The following PIK3C2G variants were observed in gnomAD, a reference collection of about 807,000 sequenced individuals.
The protein encoded by PIK3C2G is phosphatidylinositol-4-phosphate 3-kinase catalytic subunit type 2 gamma.
In PIK3C2G, 168 loss-of-function variants were observed where a neutral mutation model predicts 181.1. That is an observed-to-expected ratio of 0.93 (90% CI 0.82 to 1.05). PIK3C2G has a LOEUF of 1.05. PIK3C2G is among the 50% of genes least tolerant of loss of function. The probability of loss-of-function intolerance (pLI) is 0.00; values close to 1 mark genes in which losing one functional copy is unlikely to be tolerated. For missense variants in PIK3C2G, 1,869 were observed against 1,732.8 expected (o/e 1.08, Z -1.40); for synonymous variants, 573 against 592.2 (o/e 0.97, Z 0.47).
Position 18,520,573 on chromosome 12 carries a change from T to G in PIK3C2G, c.3323+15112T>G, listed in dbSNP as rs1332299614. ...TATTTTTCAGCTCCATTAGGTCATT[T>G]ATGTTCCTCTCTAAACTGGTTATTC... On this transcript the variant is annotated intron_variant, in intron 24 of 32. Coordinates refer to ENST00000538779, the MANE Select transcript of PIK3C2G (RefSeq NM_001288772.2). Among the ~76,000 whole-genome samples, 3 of 152,344 alleles carry G rather than the reference T, an allele frequency of 2.0e-5. 1 individual carries two copies. In the South Asian group the frequency reaches 6.2e-4, roughly 32 times the overall value.
the PIK3C2G span, chr12:18,688,335 A>T: frequency 4.7e-6 from 5 of 1,069,072 alleles, no homozygotes; most frequent in South Asian, 8.4e-5. Flanking sequence ...AGCTCCCACA[A>T]ACATTGAAAG....
At chr12:18,522,002 C>A (rs2136185518) in intron 24 of PIK3C2G, among the ~76,000 whole-genome samples, 1 of 152,316 alleles carries the variant, frequency 6.6e-6, no homozygotes, top group South Asian at 2.1e-4. Context: ...GGCTGCCCTG[C>A]CCTATGTGGC....
chr12:18,627,298 C>T (rs1447798474), intron 31 of PIK3C2G, among the ~76,000 whole-genome samples: 2 of 151,898 alleles, frequency 1.3e-5, no homozygotes, highest in African/African-American at 4.8e-5. Context: ...TTACTTTTTG[C>T]CCATATATTC....
At chr12:18,498,871 A>G (rs2136095287) in intron 22 of PIK3C2G, among the ~76,000 whole-genome samples, 1 of 152,304 alleles carries the variant, frequency 6.6e-6, no homozygotes. Flanking sequence ...ACAGTCATTT[A>G]TCCTTGCTAC....
intron 8 of PIK3C2G, among the ~76,000 whole-genome samples, chr12:18,337,891 T>G (rs1938694417): frequency 6.6e-6 from 1 of 152,182 alleles, no homozygotes; most frequent in Non-Finnish European, 1.5e-5. Context: ...ATCAGATGAT[T>G]ATCAAACACC....
At chr12:18,303,728 T>A (rs966032028) in intron 5 of PIK3C2G, among the ~76,000 whole-genome samples, 2 of 152,214 alleles carry the variant, frequency 1.3e-5, no homozygotes, top group Non-Finnish European at 2.9e-5. Context: ...TAAAATTTAC[T>A]GTACTTAAAA....
intron 24 of PIK3C2G, among the ~76,000 whole-genome samples, chr12:18,509,753 T>C (rs1942088511): frequency 6.6e-6 from 1 of 152,192 alleles, no homozygotes; most frequent in South Asian, 2.1e-4. Flanking sequence ...TTATGAAGGA[T>C]TTCACATCCT....
chr12:18,374,177 T>TA (rs1942270172), intron 13 of PIK3C2G, among the ~76,000 whole-genome samples: 1 of 152,198 alleles, frequency 6.6e-6, no homozygotes, highest in African/African-American at 2.4e-5. Context: ...GATTCTAATT[T>TA]GATTGGTCTG....
At chr12:18,694,519 A>C in the PIK3C2G span, among the ~76,000 whole-genome samples, 43 of 152,170 alleles carry the variant, frequency 2.8e-4, no homozygotes, top group Admixed American at 5.2e-4. Context: ...ACTGAGGAAA[A>C]GAAAAGGGCT....
the PIK3C2G span, among the ~76,000 whole-genome samples, chr12:18,679,289 T>C: frequency 6.6e-6 from 1 of 152,016 alleles, no homozygotes; most frequent in Non-Finnish European, 1.5e-5. Flanking sequence ...GAAGTTCTTT[T>C]TAAAAAAATT....
downstream of PIK3C2G, among the ~76,000 whole-genome samples, chr12:18,651,692 C>G (rs1411127846): frequency 6.6e-6 from 1 of 152,126 alleles, no homozygotes; most frequent in Non-Finnish European, 1.5e-5. Context: ...AAGGCCTTTT[C>G]TCTAGATCCA....
chr12:18,272,450 T>C (rs1014315862), intron 1 of PIK3C2G, among the ~76,000 whole-genome samples: 4 of 152,198 alleles, frequency 2.6e-5, no homozygotes, highest in African/African-American at 9.6e-5. Flanking sequence ...CAATGCTTGA[T>C]GCCTAGTTTT....
chr12:18,286,883 C>G lies in PIK3C2G; in HGVS notation c.715C>G (p.Gln239Glu), dbSNP rs1949468428. 1 of 1,574,652 alleles carries G rather than the reference C, an allele frequency of 6.4e-7. No homozygotes were observed. The part of the protein sequence containing the change: ...GCSIQLVEVP[Q>E]SSNTSLASFC... ...TTCCATTCAGCTAGTGGAAGTACCT[C>G]AAAGCAGCAATACGAGTCTGGCCTC... is the stretch of plus-strand genomic sequence containing the variant. The change falls in exon 3 of 33, where the codon CAA becomes GAA. Residue 239 changes from glutamine to glutamate, a missense_variant. Physicochemically the swap from Gln to Glu is conservative, Grantham distance 29. Coordinates refer to ENST00000538779, the MANE Select transcript of PIK3C2G (RefSeq NM_001288772.2).
At chr12:18,536,066 A>T (rs750241581) in intron 24 of PIK3C2G, among the ~76,000 whole-genome samples, 2 of 152,140 alleles carry the variant, frequency 1.3e-5, no homozygotes, top group Non-Finnish European at 2.9e-5. Flanking sequence ...ATATGTAACA[A>T]ATCTGCATGT....
At chr12:18,692,457 G>A in the PIK3C2G span, among the ~76,000 whole-genome samples, 4 of 152,130 alleles carry the variant, frequency 2.6e-5, no homozygotes, top group African/African-American at 9.7e-5. Context: ...AAAACGTTTT[G>A]AAAAGTCTTT....
intron 24 of PIK3C2G, among the ~76,000 whole-genome samples, chr12:18,517,772 A>G (rs1375131577): frequency 1.3e-5 from 2 of 152,098 alleles, no homozygotes; most frequent in Admixed American, 6.6e-5. Context: ...TACTATGTTG[A>G]ATAGGAGTGG....
intron 18 of PIK3C2G, among the ~76,000 whole-genome samples, chr12:18,480,746 T>A (rs117515710): frequency 1.3e-5 from 2 of 152,088 alleles, no homozygotes; most frequent in Non-Finnish European, 2.9e-5. Context: ...ACCCCTGAAT[T>A]TGCGTATAAT....
chr12:18,534,915 A>AC (rs1943766972), intron 24 of PIK3C2G, among the ~76,000 whole-genome samples: 1 of 152,074 alleles, frequency 6.6e-6, no homozygotes, highest in African/African-American at 2.4e-5. Context: ...CTAGAAAAAA[A>AC]AAGTTAGGAT....
At chr12:18,525,218 C>G (rs981131686) in intron 24 of PIK3C2G, among the ~76,000 whole-genome samples, 5 of 151,804 alleles carry the variant, frequency 3.3e-5, no homozygotes, top group African/African-American at 7.3e-5. Context: ...TGATAAAACC[C>G]CGTCCCTACT....
Sources: allele counts gnomAD v4.1 joint callset (sites outside exome capture counted in the v4.1 genomes callset), GRCh38; gene constraint gnomAD v4.1.1; transcripts MANE v1.5; gene names NCBI Gene and HGNC (gene_info 2026-07-23, HGNC 2026-07-21).